The following ZFYVE28 variants were observed in gnomAD, a reference collection of about 807,000 sequenced individuals.
ZFYVE28 encodes the protein lateral signaling target protein 2 homolog.
ZFYVE28 carries 40 observed loss-of-function variants against 82.1 expected under a neutral mutation model. That is an observed-to-expected ratio of 0.49 (90% CI 0.38 to 0.63). ZFYVE28 has a LOEUF of 0.63. Among genes scored for constraint, ZFYVE28 ranks in the 30% least tolerant of loss-of-function variants. ZFYVE28 has a pLI of 0.00. For missense variants in ZFYVE28, 1,321 were observed against 1,242.1 expected (o/e 1.06, Z -0.96); for synonymous variants, 612 against 546.1 (o/e 1.12, Z -1.68).
intron 10 of ZFYVE28, 77 bp from the exon 11 acceptor site, chr4:2,271,856 C>A: frequency 7.2e-7 from 1 of 1,386,924 alleles, no homozygotes; most frequent in Non-Finnish European, 1.0e-6. Context: ...ACTTGCTGGG[C>A]ACAGCTGGGG....
intron 1 of ZFYVE28, among the ~76,000 whole-genome samples, chr4:2,361,413 G>A (rs1578250040): frequency 1.3e-5 from 2 of 152,318 alleles, no homozygotes; most frequent in South Asian, 2.1e-4. Flanking sequence ...CGTGCAGGGA[G>A]AGAGACGCGG....
At chr4:2,287,190 C>T (rs1236193245) in intron 8 of ZFYVE28, 1 of 152,276 alleles carries the variant, frequency 6.6e-6, no homozygotes, top group Non-Finnish European at 1.5e-5. Flanking sequence ...GGTTTTAAGC[C>T]TCCCAGCTCA....
intron 1 of ZFYVE28, among the ~76,000 whole-genome samples, chr4:2,396,097 G>A (rs576189941): frequency 2.3e-4 from 33 of 143,264 alleles, no homozygotes; most frequent in African/African-American, 7.8e-4. Context: ...GAGCTGATGG[G>A]ACCAGCCATC....
intron 6 of ZFYVE28, among the ~76,000 whole-genome samples, chr4:2,333,870 G>C (rs1281059010): frequency 6.6e-6 from 1 of 152,204 alleles, no homozygotes. Flanking sequence ...TTTTCTTCAA[G>C]TGAGTTTGGC....
intron 2 of ZFYVE28, among the ~76,000 whole-genome samples, chr4:2,345,734 ATTACAGC>A (rs1056820922): frequency 1.1e-4 from 16 of 151,766 alleles, no homozygotes; most frequent in African/African-American, 3.6e-4. Context: ...ACTATACCAA[ATTACAGC>A]ATAATCAAAT....
intron 1 of ZFYVE28, among the ~76,000 whole-genome samples, chr4:2,405,532 G>T (rs1192311081): frequency 1.3e-5 from 2 of 152,240 alleles, no homozygotes; most frequent in African/African-American, 4.8e-5. Flanking sequence ...GCAGCCACAT[G>T]GCCGAGCTGT....
In ZFYVE28 at chr4:2,341,397, C is replaced by T. The variant is rs1722776361; in HGVS notation, c.318+81G>A. ...GACACCAGGTCCCGGCACCTGCAGG[C>T]GCCCATGCACAAGGTTCGCAGGGAC... On this transcript the variant is annotated intron_variant, in intron 3 of 12. Coordinates refer to ENST00000290974, the MANE Select transcript of ZFYVE28 (RefSeq NM_020972.3). The surrounding 1 kb of genome is among the most constrained non-coding windows in gnomAD (Gnocchi z 4.5). 3.2e-6 allele frequency: 5 copies of T among 1,549,646 alleles called. No individual in the cohort carries two copies. Among genetic ancestry groups the T allele is most frequent in the African/African-American group, 1.4e-5 (1 of 73,500 alleles).
At chr4:2,367,793 A>G (rs889037969) in intron 1 of ZFYVE28, among the ~76,000 whole-genome samples, 1 of 152,232 alleles carries the variant, frequency 6.6e-6, no homozygotes, top group African/African-American at 2.4e-5. Context: ...AGGCCTCACC[A>G]GCCCAGGCAG....
intron 2 of ZFYVE28, among the ~76,000 whole-genome samples, chr4:2,349,564 G>A (rs771451278): frequency 8.5e-5 from 13 of 152,092 alleles, no homozygotes; most frequent in East Asian, 3.8e-4. Context: ...TCAGCCAAGC[G>A]TTCCCTGTTT....
chr4:2,341,472 C>G lies in ZFYVE28; in HGVS notation c.318+6G>C. 5.0e-6 allele frequency: 8 copies of G among 1,612,638 alleles called. No homozygotes were observed. The highest frequency in any genetic ancestry group is 6.8e-6 in the Non-Finnish European group (8 of 1,179,896). ...GGACCTCCGAACCCGGGTGGCCACC[C>G]GCTACCTCGGCACCGAACCACAGCT... On this transcript the variant is annotated splice_donor_region_variant and intron_variant, in intron 3 of 12. Coordinates refer to ENST00000290974, the MANE Select transcript of ZFYVE28 (RefSeq NM_020972.3). The surrounding 1 kb of genome is among the most constrained non-coding windows in gnomAD (Gnocchi z 4.5).
At chr4:2,301,352 G>A (rs1454077219) in intron 8 of ZFYVE28, among the ~76,000 whole-genome samples, 5 of 152,282 alleles carry the variant, frequency 3.3e-5, no homozygotes, top group South Asian at 4.1e-4. Context: ...AGCTACCTCC[G>A]GGCACAGTGC....
chr4:2,409,929 G>C lies in ZFYVE28; in HGVS notation c.39+8356C>G, dbSNP rs201895579. Among the ~76,000 whole-genome samples the C allele has an allele frequency of 2.0e-5, 3 of 152,220 alleles. No homozygotes were observed. In the East Asian group the frequency reaches 5.8e-4, roughly 29 times the overall value. ...CCCCCGCCAGGTGGCCACAGTCAGC[G>C]GGCCAGGCTGGCAGGGTGCTTTCCA... On this transcript the variant is annotated intron_variant, in intron 1 of 12. Coordinates refer to ENST00000290974, the MANE Select transcript of ZFYVE28 (RefSeq NM_020972.3). This position sits in a 1 kb window ranked among gnomAD's most constrained non-coding sequence, Gnocchi z 4.4.
intron 8 of ZFYVE28, among the ~76,000 whole-genome samples, chr4:2,301,482 C>T (rs1226800402): frequency 1.3e-5 from 2 of 150,252 alleles, no homozygotes; most frequent in Non-Finnish European, 3.0e-5. Flanking sequence ...ATGACACCAC[C>T]ACCTGGGCTC....
intron 1 of ZFYVE28, among the ~76,000 whole-genome samples, chr4:2,364,150 G>C (rs2108896624): frequency 6.6e-6 from 1 of 152,326 alleles, no homozygotes; most frequent in East Asian, 1.9e-4. Context: ...GGCCCAGTGG[G>C]GCACAGGGTG....
intron 1 of ZFYVE28, among the ~76,000 whole-genome samples, chr4:2,381,206 C>T (rs913674824): frequency 1.3e-4 from 20 of 152,046 alleles, no homozygotes; most frequent in Non-Finnish European, 5.9e-5. Flanking sequence ...TATGTTTTAG[C>T]GAAGAGACTG....
intron 2 of ZFYVE28, among the ~76,000 whole-genome samples, chr4:2,350,990 T>C (rs1724342855): frequency 6.6e-6 from 1 of 152,224 alleles, no homozygotes; most frequent in Admixed American, 6.5e-5. Flanking sequence ...ACGAAGTGTT[T>C]CCCTGAGTTC....
chr4:2,304,392 G>A lies in ZFYVE28; in HGVS notation c.1948C>T (p.Gln650Ter). ...GSQVDTASGLQGEAGVAGQQE... is the reference protein window; with the variant it reads ...GSQVDTASGL ...TGACCTGCAACCCCAGCCTCTCCTT[G>A]CAGCCCACTCGCTGTGTCCACCTGG... The change falls in exon 8 of 13, where the codon CAA (glutamine) becomes TAA (stop). Residue 650 changes from glutamine (Q) to a stop codon, truncating the protein, a stop_gained. Coordinates refer to ENST00000290974, the MANE Select transcript of ZFYVE28 (RefSeq NM_020972.3). LOFTEE classifies it high-confidence loss of function. 1 of 1,612,910 alleles carries A rather than the reference G, an allele frequency of 6.2e-7. No individual in the cohort carries two copies. The highest frequency in any genetic ancestry group is 1.7e-4 in the Middle Eastern group (1 of 6,058).
At position 2,416,283 on chromosome 4, in the gene ZFYVE28, CAG is replaced by C. The variant is rs1415276102; in HGVS notation, c.39+2000_39+2001del. On this transcript the variant is annotated intron_variant, in intron 1 of 12. Transcript: ENST00000290974. The surrounding 1 kb of genome is among the most constrained non-coding windows in gnomAD (Gnocchi z 4.6). The stretch of plus-strand genomic sequence containing the variant: ...TGAAATTACTCAGCTACTCATGAAA[CAG>C]AGTCTACAATTATTTTTCCTTCCTT... 6.6e-6 allele frequency among the ~76,000 whole-genome samples: 1 copy of C among 152,212 alleles called. No homozygotes were observed. The highest frequency in any genetic ancestry group is 2.4e-5 in the African/African-American group (1 of 41,454).
Position 2,273,283 on chromosome 4 carries a change from G to A in ZFYVE28, c.2213C>T (p.Ala738Val). 1 of 1,611,408 alleles carries A rather than the reference G, an allele frequency of 6.2e-7. No individual in the cohort carries two copies. The highest frequency in any genetic ancestry group is 2.2e-5 in the East Asian group (1 of 44,872). The change falls in exon 10 of 13, where the codon GCT (alanine) becomes GTT (valine). Residue 738 changes from alanine (A) to valine (V), a missense_variant. Around this residue, in one of 2 missense-constraint regions of ZFYVE28, gnomAD observed 978 missense variants for 833.7 expected, o/e 1.17. Transcript: ENST00000290974. Reference protein sequence around the residue: ...HRLFVCISGVADQLQTNYASD... With the variant: ...HRLFVCISGVVDQLQTNYASD... Reference sequence around the variant, plus strand: ...GGCATAGTTCGTCTGCAGCTGGTCAGCCACACCTGAGGAAGGAAGGCCACA... The same window carrying A: ...GGCATAGTTCGTCTGCAGCTGGTCAACCACACCTGAGGAAGGAAGGCCACA...
Sources: gnomAD v4.1 joint callset for allele counts (sites outside exome capture counted in the v4.1 genomes callset) on GRCh38, gnomAD v4.1.1 for gene constraint, gnomAD v4.1.1 regional missense constraint, Gnocchi (gnomAD v3.1) non-coding constraint, MANE v1.5 for transcripts, NCBI Gene and HGNC (gene_info 2026-07-23, HGNC 2026-07-21) for gene names.